The following MEFV variants were observed in gnomAD, a reference collection of about 807,000 sequenced individuals.
MEFV encodes MEFV innate immunity regulator, pyrin.
A neutral mutation model predicts 62.5 loss-of-function variants in MEFV; 60 were observed. The observed-to-expected ratio is 0.96, with a 90% CI of 0.78 to 1.19. MEFV has a LOEUF of 1.19. MEFV is among the 50% of genes most tolerant of loss of function. The pLI, the probability that MEFV is intolerant of heterozygous loss-of-function variation, is 0.00. For missense variants in MEFV, 1,169 were observed against 1,004.5 expected, an observed-to-expected ratio of 1.16 and a Z score of -2.21; for synonymous variants, 500 against 415.2, an observed-to-expected ratio of 1.20 and a Z score of -2.48.
chr16:3,256,205 C>G (rs1192659547), intron 1 of MEFV, 106 bp downstream of exon 1: 1 of 1,345,726 alleles, frequency 7.4e-7, no homozygotes, highest in Non-Finnish European at 1.0e-6. Context: ...AGACCTGAGA[C>G]TCCCAATCCC....
intron 1 of MEFV, among the ~76,000 whole-genome samples, 173 bp from the exon 2 acceptor site, chr16:3,254,963 G>A (rs1959094941): frequency 6.6e-6 from 1 of 152,184 alleles, no homozygotes; most frequent in African/African-American, 2.4e-5. Flanking sequence ...GGCCGAGGCG[G>A]GAGGATCACC....
In MEFV at chr16:3,250,548, G is replaced by A. The variant is rs958228871; in HGVS notation, c.911-768C>T. ...TGCTTGAACCTAGGAGGTTGATGCT[G>A]CACCACTGCACTCCAGCCTGGGCAA... On this transcript the variant is annotated intron_variant, in intron 2 of 9. Coordinates refer to ENST00000219596, the MANE Select transcript of MEFV (RefSeq NM_000243.3). 2.0e-5 allele frequency among the ~76,000 whole-genome samples: 3 copies of A among 151,696 alleles called. No individual in the cohort carries two copies. The South Asian group carries it at 6.2e-4, about 32-fold the overall frequency.
intron 8 of MEFV, 46 bp downstream of exon 8, chr16:3,244,208 A>G: frequency 6.2e-7 from 1 of 1,613,420 alleles, no homozygotes; most frequent in Non-Finnish European, 8.5e-7. Context: ...ACAAGGGAAC[A>G]CTGCAACAAC....
intron 1 of MEFV, among the ~76,000 whole-genome samples, chr16:3,255,186 G>T (rs1406608062): frequency 6.6e-6 from 1 of 152,022 alleles, no homozygotes; most frequent in East Asian, 2.0e-4. Context: ...ACGCGGTGGT[G>T]CGCACCTGTA....
intron 6 of MEFV, among the ~76,000 whole-genome samples, 157 bp from the exon 7 acceptor site, chr16:3,244,745 G>C (rs1035475265): frequency 3.3e-5 from 5 of 152,126 alleles, no homozygotes; most frequent in Non-Finnish European, 7.3e-5. Context: ...TCTAAATGCT[G>C]GTCCTCAACT....
intron 2 of MEFV, among the ~76,000 whole-genome samples, chr16:3,251,023 C>CAAAAAAAA (rs58529756): frequency 2.0e-5 from 1 of 49,406 alleles, no homozygotes; most frequent in African/African-American, 6.6e-5. Flanking sequence ...GACTCCATCT[C>CAAAAAAAA]AAAAAAAAAA....
rs780239624 is a variant in MEFV, at chr16:3,254,216, A to T, written c.852T>A (p.Asp284Glu). 6.2e-7 allele frequency: 1 copy of T among 1,614,210 alleles called. No homozygotes were observed. The highest frequency in any genetic ancestry group is 8.5e-7 in the Non-Finnish European group (1 of 1,180,030). Residue 284 changes from aspartate (D) to glutamate (E), a missense_variant, in exon 2 of 10, where the codon GAT (aspartate) becomes GAA (glutamate). Coordinates refer to ENST00000219596, the MANE Select transcript of MEFV (RefSeq NM_000243.3). ...CCTTCAGGTCCGCAGATGCCCCTCC[A>T]TCCGGAGTGGGCCTTGCCCGGGGTT... ...ATEPRARPTP[D>E]GGASADLKEG...
intron 3 of MEFV, 130 bp downstream of exon 3, chr16:3,249,301 T>A: frequency 1.2e-6 from 1 of 859,398 alleles, no homozygotes. Context: ...GTTTATATTG[T>A]GTTCTTGCCA....
At position 3,243,040 on chromosome 16, in the gene MEFV, A is replaced by G. The variant is rs1417867395; in HGVS notation, c.*101T>C. 7.3e-7 allele frequency: 1 copy of G among 1,364,968 alleles called. No individual in the cohort carries two copies. Among genetic ancestry groups the G allele is most frequent in the Non-Finnish European group, 1.0e-6 (1 of 965,848 alleles). The allele number at this position is 1,364,968 out of a possible 1,614,324, so 84.6% of individuals were successfully genotyped here. A position where few individuals can be genotyped will look rare whatever the true frequency, so the allele number is the denominator to read the frequency against. The stretch of plus-strand genomic sequence containing the variant: ...ACAGTAACTATTTTGTTATTTTTGC[A>G]TTTCCCATAGCAGCTAGCACCTAGT... On this transcript the variant is annotated 3_prime_UTR_variant, in exon 10 of 10. Coordinates refer to ENST00000219596, the MANE Select transcript of MEFV (RefSeq NM_000243.3).
intron 4 of MEFV, 26 bp from the exon 5 acceptor site, chr16:3,247,272 T>C (rs573828754): frequency 1.2e-6 from 2 of 1,608,022 alleles, no homozygotes; most frequent in East Asian, 2.2e-5. Flanking sequence ...CAGGGAGGTA[T>C]GGGGGTCTGT....
Position 3,256,564 on chromosome 16 carries a change from A to C in MEFV, c.24T>G (p.His8Gln). Residue 8 changes from histidine to glutamine, a missense_variant, in exon 1 of 10, where the codon CAT becomes CAG. By Grantham distance (24) the His-to-Gln change is conservative. Transcript: ENST00000219596. ...CCAGCTCCTCCAGGGTGGACAGCAG[A>C]TGGTCACTAGGGGTCTTAGCCATGG... MAKTPSDHLLSTLEELVP... is the reference protein window; with the variant it reads MAKTPSDQLLSTLEELVP... 6.2e-7 allele frequency: 1 copy of C among 1,614,176 alleles called. No homozygotes were observed. Among genetic ancestry groups the C allele is most frequent in the South Asian group, 1.1e-5 (1 of 91,084 alleles).
chr16:3,245,758 A>G (rs1487566802), intron 6 of MEFV, among the ~76,000 whole-genome samples: 2 of 152,202 alleles, frequency 1.3e-5, no homozygotes, highest in African/African-American at 4.8e-5. Flanking sequence ...TGTGAGAATT[A>G]GGATGGTGGT....
rs104895183 is a variant in MEFV, at chr16:3,243,129, A to T, written c.*12T>A. ...AGGCCAGAAGCAGGAAGAGAGATGC[A>T]GTGTTGGGCATTCAGTCAGGCCCCT... On this transcript the variant is annotated 3_prime_UTR_variant, in exon 10 of 10. Coordinates refer to ENST00000219596, the MANE Select transcript of MEFV (RefSeq NM_000243.3). The T allele has an allele frequency of 1.9e-6, 3 of 1,612,338 alleles. No individual in the cohort carries two copies. In the South Asian group the frequency reaches 3.3e-5, roughly 18 times the overall value.
chr16:3,243,980 C>T, intron 8 of MEFV, 88 bp from the exon 9 acceptor site: 1 of 1,582,892 alleles, frequency 6.3e-7, no homozygotes, highest in Non-Finnish European at 8.6e-7. Flanking sequence ...CAAGGAAAGA[C>T]AAGGAACCCC....
At position 3,249,032 on chromosome 16, in the gene MEFV, T is replaced by C. The variant is rs104895140; in HGVS notation, c.1261-28A>G. 5,779 of 1,610,288 alleles carry C rather than the reference T, an allele frequency of 3.6e-3. 210 individuals carry two copies. In the South Asian group the frequency reaches 0.059, roughly 17 times the overall value. The stretch of plus-strand genomic sequence containing the variant: ...GGAAAAACAGCACTTGTTGAAAAGC[T>C]TGAATTTGGCTCCTGCCATCTTTAG... On this transcript the variant is annotated intron_variant, in intron 3 of 9. Transcript: ENST00000219596.
chr16:3,256,163 C>T (rs1184324014), intron 1 of MEFV, 148 bp downstream of exon 1: 9 of 916,458 alleles, frequency 9.8e-6, no homozygotes, highest in Admixed American at 8.4e-5. Flanking sequence ...AAGAAAGGGA[C>T]GTTCCTGAAC....
chr16:3,244,100 C>G, intron 8 of MEFV, 154 bp downstream of exon 8: 1 of 1,552,920 alleles, frequency 6.4e-7, no homozygotes, highest in South Asian at 1.2e-5. Flanking sequence ...GAGTCACGCA[C>G]AGAGCCTGGG....
rs976397010 is a variant in MEFV, at chr16:3,244,570, G to A, written c.1629C>T (p.Val543=). The change falls in exon 7 of 10, where the codon GTC becomes GTT. Residue 543 remains valine, a synonymous_variant. Transcript: ENST00000219596. Reference sequence around the variant, plus strand: ...CTTGAGGAGTGGTCCACTTTTCAGGGACAGGCACTGTCTTAGCCCTAGAGA... The same window carrying A: ...CTTGAGGAGTGGTCCACTTTTCAGGAACAGGCACTGTCTTAGCCCTAGAGA... The part of the protein sequence containing the change: ...DILHRAKTVP[V]PEKWTTPQEI... The A allele has an allele frequency of 3.1e-6, 5 of 1,613,784 alleles. No individual in the cohort carries two copies. The highest frequency in any genetic ancestry group is 4.2e-6 in the Non-Finnish European group (5 of 1,179,916).
chr16:3,247,026 T>C lies in MEFV; in HGVS notation c.1577A>G (p.Glu526Gly), dbSNP rs772349671. The C allele has an allele frequency of 9.9e-6, 16 of 1,614,016 alleles. No homozygotes were observed. The highest frequency in any genetic ancestry group is 1.3e-5 in the African/African-American group (1 of 74,914). ...LEAKECQSEWELLQDIGDILH... is the reference protein window; with the variant it reads ...LEAKECQSEWGLLQDIGDILH... ...CCCAGGCACACCCACCTGCAGAAGT[T>C]CCCATTCTGACTGGCACTCCTTGGC... Residue 526 changes from glutamate (E) to glycine (G), a missense_variant, in exon 5 of 10, where the codon GAA (glutamate) becomes GGA (glycine). By Grantham distance (98) the Glu-to-Gly change is moderately conservative. Coordinates refer to ENST00000219596, the MANE Select transcript of MEFV (RefSeq NM_000243.3).
Sources: gnomAD v4.1 joint callset for allele counts (sites outside exome capture counted in the v4.1 genomes callset) on GRCh38, gnomAD v4.1.1 for gene constraint, MANE v1.5 for transcripts, NCBI Gene and HGNC (gene_info 2026-07-23, HGNC 2026-07-21) for gene names.